Variants in KLHL33 observed in about 807,000 individuals in gnomAD.
The protein encoded by KLHL33 is kelch-like protein 33.
In KLHL33, 46 loss-of-function variants were observed where a neutral mutation model predicts 60.8. That is an observed-to-expected ratio of 0.76 (90% confidence interval 0.60 to 0.97). The LOEUF (loss-of-function observed/expected upper bound fraction) is 0.97, where lower values mean the gene tolerates loss of function less well. Among genes scored for constraint, KLHL33 ranks in the 50% least tolerant of loss-of-function variants. The pLI is 0.00. For missense variants in KLHL33, 1,055 were observed against 1,000.0 expected, an observed-to-expected ratio of 1.05 and a Z score of -0.74; for synonymous variants, 434 against 432.2, an observed-to-expected ratio of 1.00 and a Z score of -0.05.
chr14:20,435,557 T>G lies in KLHL33; in HGVS notation c.255A>C (p.Ala85=). The G allele has an allele frequency of 8.1e-7, 1 of 1,234,824 alleles. No individual in the cohort carries two copies. Among genetic ancestry groups the G allele is most frequent in the East Asian group, 3.2e-5 (1 of 31,732 alleles). 76.5% of individuals were successfully genotyped at this position (1,234,824 alleles called of 1,614,324 possible). A position where few individuals can be genotyped will look rare whatever the true frequency, so the allele number is the denominator to read the frequency against. Residue 85 remains alanine (A), a synonymous_variant, in exon 2 of 5, where the codon GCA becomes GCC. Coordinates refer to ENST00000636854, the MANE Select transcript of KLHL33 (RefSeq NM_001365790.2). ...EEEEEEDEDA[A]EPEWLRSEEH... is the part of the protein sequence containing the mutation. Reference sequence around the variant, plus strand: ...CCTCGCTGCGCAGCCACTCGGGCTCTGCCGCATCTTCATCTTCTTCCTCTT... The same window carrying G: ...CCTCGCTGCGCAGCCACTCGGGCTCGGCCGCATCTTCATCTTCTTCCTCTT...
At chr14:20,432,451 C>G (rs1430090283) in intron 2 of KLHL33, among the ~76,000 whole-genome samples, 1 of 146,066 alleles carries the variant, frequency 6.8e-6, no homozygotes, top group Non-Finnish European at 1.5e-5. Context: ...CTTTACCAAT[C>G]AATATATAAA....
intron 2 of KLHL33, among the ~76,000 whole-genome samples, chr14:20,431,897 G>A (rs1273369448): frequency 6.6e-6 from 1 of 152,126 alleles, no homozygotes; most frequent in Non-Finnish European, 1.5e-5. Context: ...TATCTGCATG[G>A]TCCTCATGAC....
chr14:20,430,782 C>T (rs1880489345), intron 2 of KLHL33, 63 bp from the exon 3 acceptor site: 1 of 1,212,190 alleles, frequency 8.2e-7, no homozygotes, highest in South Asian at 1.6e-5. Context: ...AGGCATTACC[C>T]CAACTTGGTA....
chr14:20,435,941 C>G (rs1880681836), intron 1 of KLHL33, 111 bp from the exon 2 acceptor site: 7 of 697,732 alleles, frequency 1.0e-5, no homozygotes, highest in Non-Finnish European at 1.4e-5. Context: ...GCTCCAACAC[C>G]CTCCTCCTAC....
Position 20,429,310 on chromosome 14 carries a change from C to A in KLHL33, c.1933G>T (p.Gly645Cys), listed in dbSNP as rs1441047164. Residue 645 changes from glycine to cysteine, a missense_variant, in exon 5 of 5, where the codon GGC becomes TGC. Gly to Cys is a radical substitution (Grantham distance 159). Coordinates refer to ENST00000636854, the MANE Select transcript of KLHL33 (RefSeq NM_001365790.2). ...LYVSGGCGGT[G>C]QYLASLMHYD... ...TGCATCAGTGAGGCCAGGTATTGGC[C>A]AGTCCCACCACAGCCACCGCTCACG... The A allele has an allele frequency of 1.3e-6, 2 of 1,551,572 alleles. No homozygotes were observed. Among genetic ancestry groups the A allele is most frequent in the Admixed American group, 3.9e-5 (2 of 50,990 alleles).
At position 20,435,237 on chromosome 14, in the gene KLHL33, C is replaced by G; in HGVS notation, c.575G>C (p.Arg192Pro). ...TGTCTGCTGGGCAGCAGCCTTCACC[C>G]GGGGCGCTCCCAGCGCCTCTGCTGC... ...LAAAEALGAPRVKAAAQQTCE... is the reference protein window; with the variant it reads ...LAAAEALGAPPVKAAAQQTCE... Residue 192 changes from arginine (R) to proline (P), a missense_variant, in exon 2 of 5, where the codon CGG (arginine) becomes CCG (proline). By Grantham distance (103) the Arg-to-Pro change is moderately radical. Coordinates refer to ENST00000636854, the MANE Select transcript of KLHL33 (RefSeq NM_001365790.2). 1 of 1,234,412 alleles carries G rather than the reference C, an allele frequency of 8.1e-7. No homozygotes were observed. The highest frequency in any genetic ancestry group is 4.1e-5 in the South Asian group (1 of 24,414). The allele number at this position is 1,234,412 out of a possible 1,614,324, so 76.5% of individuals were successfully genotyped here. A position where few individuals can be genotyped will look rare whatever the true frequency, so the allele number is the denominator to read the frequency against.
intron 2 of KLHL33, among the ~76,000 whole-genome samples, chr14:20,432,934 G>GAAAGAAAGA (rs1880558875): frequency 6.9e-6 from 1 of 143,894 alleles, no homozygotes; most frequent in East Asian, 2.0e-4. Context: ...AAAAAAGAAA[G>GAAAGAAAGA]AAAGAAAGAA....
In KLHL33 at chr14:20,435,113, C is replaced by G; in HGVS notation, c.699G>C (p.Glu233Asp). 22 of 1,234,506 alleles carry G rather than the reference C, an allele frequency of 1.8e-5. No homozygotes were observed. The highest frequency in any genetic ancestry group is 2.1e-5 in the Non-Finnish European group (21 of 988,220). 76.5% of individuals were successfully genotyped at this position (1,234,506 alleles called of 1,614,324 possible). A position where few individuals can be genotyped will look rare whatever the true frequency, so the allele number is the denominator to read the frequency against. ...NLRGIELLYR[E>D]GVGCDLKLEA... ...CCAGCTTCAAGTCACACCCGACGCC[C>G]TCTCGGTAGAGGAGCTCGATTCCGC... Residue 233 changes from glutamate (E) to aspartate (D), a missense_variant, in exon 2 of 5, where the codon GAG becomes GAC. Physicochemically the swap from Glu to Asp is conservative, Grantham distance 45. Transcript: ENST00000636854.
chr14:20,429,044 C>T lies in KLHL33; in HGVS notation c.2199G>A (p.Val733=), dbSNP rs1880389956. 1 of 1,551,720 alleles carries T rather than the reference C, an allele frequency of 6.4e-7. No homozygotes were observed. Among genetic ancestry groups the T allele is most frequent in the Non-Finnish European group, 8.7e-7 (1 of 1,146,986 alleles). Residue 733 remains valine, a synonymous_variant, in exon 5 of 5, where the codon GTG becomes GTA. Coordinates refer to ENST00000636854, the MANE Select transcript of KLHL33 (RefSeq NM_001365790.2). ...AAGTACGGTGACTGTAGCCCCCGAG[C>T]ACCAGTAGCTCCCCCTGCAGCACAG... is the stretch of plus-strand genomic sequence containing the variant. The part of the protein sequence containing the change: ...ASAVLQGELL[V]LGGYSHRTYA...
Position 20,428,647 on chromosome 14 carries a change from C to T in KLHL33, c.*202G>A. ...CCTCACCTGGGTATTCAGCTGCCTC[C>T]CCTTTCCCTATATGTTTTCCCTAGG... On this transcript the variant is annotated 3_prime_UTR_variant, in exon 5 of 5. Coordinates refer to ENST00000636854, the MANE Select transcript of KLHL33 (RefSeq NM_001365790.2). 1 of 571,500 alleles carries T rather than the reference C, an allele frequency of 1.7e-6. No homozygotes were observed. Among genetic ancestry groups the T allele is most frequent in the South Asian group, 2.5e-5 (1 of 40,292 alleles). The allele number at this position is 571,500 out of a possible 1,614,324, so 35.4% of individuals were successfully genotyped here.
chr14:20,429,472 T>A, intron 4 of KLHL33, 30 bp downstream of exon 4: 1 of 1,551,474 alleles, frequency 6.4e-7, no homozygotes, highest in Non-Finnish European at 8.7e-7. Context: ...AGTCTCCTAA[T>A]CTCTCCCAGA....
In KLHL33 at chr14:20,429,178, C is replaced by T; in HGVS notation, c.2065G>A (p.Gly689Arg). Residue 689 changes from glycine (G) to arginine (R), a missense_variant, in exon 5 of 5, where the codon GGG becomes AGG. By Grantham distance (125) the Gly-to-Arg change is moderately radical (BLOSUM62 -2). Transcript: ENST00000636854. Reference protein sequence around the residue: ...ALGGRLYVAGGLGETEDLLSF... With the variant: ...ALGGRLYVAGRLGETEDLLSF... ...AGCAGGTCCTCAGTCTCACCCAGCC[C>T]ACCTGCCACATACAACCTCCCACCC... The T allele has an allele frequency of 6.4e-7, 1 of 1,551,744 alleles. No homozygotes were observed. The highest frequency in any genetic ancestry group is 8.7e-7 in the Non-Finnish European group (1 of 1,146,996).
At chr14:20,433,454 G>A (rs184630611) in intron 2 of KLHL33, among the ~76,000 whole-genome samples, 43 of 152,294 alleles carry the variant, frequency 2.8e-4, no homozygotes, top group Admixed American at 1.2e-3. Context: ...GTGGCCTGGT[G>A]CTTCCCAAGT....
At chr14:20,433,410 A>G (rs1156713632) in intron 2 of KLHL33, among the ~76,000 whole-genome samples, 1 of 152,230 alleles carries the variant, frequency 6.6e-6, no homozygotes, top group Non-Finnish European at 1.5e-5. Context: ...GGTGTTGTTC[A>G]TATGACTTTC....
At chr14:20,433,873 A>G (rs1236009621) in intron 2 of KLHL33, among the ~76,000 whole-genome samples, 2 of 152,220 alleles carry the variant, frequency 1.3e-5, no homozygotes, top group African/African-American at 2.4e-5. Context: ...GGCAGTAGCT[A>G]TGTGACTTTG....
intron 4 of KLHL33, 38 bp from the exon 5 acceptor site, chr14:20,429,439 T>A (rs1474992103): frequency 6.5e-7 from 1 of 1,549,770 alleles, no homozygotes; most frequent in East Asian, 2.4e-5. Flanking sequence ...GCAACTAGCA[T>A]CTTCAACTCT....
rs141830001 is a variant in KLHL33, at chr14:20,432,147, C to T, written c.749-1428G>A. ...TTTTTTTTTTTGAGATAGGGTCTTACTCTGTCACCCTGCCTGGAGTGCAGT... is the reference window on the plus strand; with the variant it reads ...TTTTTTTTTTTGAGATAGGGTCTTATTCTGTCACCCTGCCTGGAGTGCAGT... On this transcript the variant is annotated intron_variant, in intron 2 of 4. Transcript: ENST00000636854. Among the ~76,000 whole-genome samples, 814 of 150,392 alleles carry T rather than the reference C, an allele frequency of 5.4e-3. 9 individuals are homozygous for T. Among genetic ancestry groups the T allele is most frequent in the African/African-American group, 0.019 (780 of 40,732 alleles).
intron 2 of KLHL33, 66 bp from the exon 3 acceptor site, chr14:20,430,785 A>C: frequency 8.5e-7 from 1 of 1,182,224 alleles, no homozygotes; most frequent in Non-Finnish European, 1.1e-6. Context: ...CATTACCCCA[A>C]CTTGGTACTC....
chr14:20,434,885 T>C (rs1880633245), intron 2 of KLHL33, among the ~76,000 whole-genome samples, 179 bp downstream of exon 2: 1 of 152,000 alleles, frequency 6.6e-6, no homozygotes, highest in Non-Finnish European at 1.5e-5. Context: ...AGAAAACAAC[T>C]CGACTGCGCA....
Sources: gnomAD v4.1 joint callset for allele counts (sites outside exome capture counted in the v4.1 genomes callset) on GRCh38, gnomAD v4.1.1 for gene constraint, MANE v1.5 for transcripts, NCBI Gene and HGNC (gene_info 2026-07-23, HGNC 2026-07-21) for gene names.